Variants in SGK3 observed in about 807,000 individuals in gnomAD.
The protein encoded by SGK3 is serum/glucocorticoid regulated kinase family member 3.
In SGK3, 47 loss-of-function variants were observed where a neutral mutation model predicts 68.5. That is an observed-to-expected ratio of 0.69 (90% CI 0.54 to 0.87). The LOEUF (loss-of-function observed/expected upper bound fraction) is 0.87. SGK3 is among the 40% of genes least tolerant of loss of function. The probability of loss-of-function intolerance (pLI) is 0.00; values close to 1 mark genes in which losing one functional copy is unlikely to be tolerated. For missense variants in SGK3, 479 were observed against 575.5 expected, an observed-to-expected ratio of 0.83 and a Z score of 1.72; for synonymous variants, 181 against 189.1, an observed-to-expected ratio of 0.96 and a Z score of 0.35.
chr8:66,841,679 A>G (rs1459704170), intron 13 of SGK3, among the ~76,000 whole-genome samples: 5 of 152,240 alleles, frequency 3.3e-5, no homozygotes, highest in Admixed American at 2.6e-4. Context: ...TGCTTGAAAT[A>G]TTTTGTAACA....
chr8:66,816,157 G>A (rs565347166), intron 5 of SGK3, among the ~76,000 whole-genome samples: 55 of 151,584 alleles, frequency 3.6e-4, no homozygotes, highest in Non-Finnish European at 6.5e-4. Flanking sequence ...GCACCACCAC[G>A]CCCACCTAAT....
At chr8:66,726,531 A>T (rs371690437) in intron 1 of SGK3, among the ~76,000 whole-genome samples, 1 of 152,176 alleles carries the variant, frequency 6.6e-6, no homozygotes, top group African/African-American at 2.4e-5. Flanking sequence ...TTACTTTATC[A>T]TTGTGAAATC....
chr8:66,786,678 C>T (rs1449433452), intron 1 of SGK3, among the ~76,000 whole-genome samples: 1 of 152,052 alleles, frequency 6.6e-6, no homozygotes, highest in Admixed American at 6.6e-5. Context: ...ATCTTTATTC[C>T]CAATATATAA....
chr8:66,752,932 T>C (rs1023989411), intron 1 of SGK3, among the ~76,000 whole-genome samples: 5 of 152,014 alleles, frequency 3.3e-5, no homozygotes, highest in African/African-American at 1.2e-4. Context: ...CACTATAACC[T>C]CAAACTCCTG....
intron 1 of SGK3, among the ~76,000 whole-genome samples, chr8:66,744,519 A>ATATAT (rs1563605717): frequency 4.7e-5 from 1 of 21,274 alleles, no homozygotes; most frequent in Admixed American, 6.5e-4. Flanking sequence ...ATATATATAT[A>ATATAT]TTTTTTTTTT....
At chr8:66,839,773 A>C in intron 10 of SGK3, 1 of 444,502 alleles carries the variant, frequency 2.2e-6, no homozygotes, top group South Asian at 4.1e-5. Context: ...GAGATGAGTG[A>C]CATTAGCAAG....
chr8:66,833,810 G>C (rs1809398719), intron 8 of SGK3, among the ~76,000 whole-genome samples: 1 of 152,252 alleles, frequency 6.6e-6, no homozygotes, highest in Admixed American at 6.5e-5. Context: ...TACTGCCTCA[G>C]CCTCCCCAGT....
At chr8:66,720,371 G>A (rs1023784540) in intron 1 of SGK3, among the ~76,000 whole-genome samples, 4 of 152,202 alleles carry the variant, frequency 2.6e-5, no homozygotes, top group Admixed American at 6.5e-5. Context: ...GGTAGCTCAT[G>A]CCCGTAACCC....
At chr8:66,767,370 T>C (rs1806349662) in intron 1 of SGK3, 4 of 1,145,474 alleles carry the variant, frequency 3.5e-6, no homozygotes, top group Non-Finnish European at 4.0e-6. Flanking sequence ...AATAGAAATA[T>C]ACACAAACTC....
intron 16 of SGK3, among the ~76,000 whole-genome samples, 191 bp downstream of exon 16, chr8:66,851,111 T>G (rs530625264): frequency 1.4e-4 from 22 of 152,268 alleles, no homozygotes; most frequent in African/African-American, 5.3e-4. Flanking sequence ...ATAGTTAGAT[T>G]AGGTTGATAA....
intron 1 of SGK3, among the ~76,000 whole-genome samples, chr8:66,723,126 TA>T (rs1563595360): frequency 3.2e-3 from 189 of 58,770 alleles, no homozygotes; most frequent in Middle Eastern, 6.4e-3. Context: ...TATATATATA[TA>T]TATATTTTTT....
intron 10 of SGK3, among the ~76,000 whole-genome samples, chr8:66,839,531 A>ATATC (rs1809695857): frequency 2.9e-5 from 2 of 69,208 alleles, no homozygotes; most frequent in African/African-American, 1.1e-4. Flanking sequence ...ATATATATAT[A>ATATC]TATATATATA....
intron 1 of SGK3, among the ~76,000 whole-genome samples, chr8:66,723,388 G>A (rs953013265): frequency 2.6e-5 from 4 of 151,438 alleles, no homozygotes; most frequent in African/African-American, 9.7e-5. Context: ...AGGTTGTGGT[G>A]AGCCAAGATC....
chr8:66,798,658 A>G (rs759695624), intron 3 of SGK3, 33 bp downstream of exon 3: 23 of 1,556,430 alleles, frequency 1.5e-5, no homozygotes, highest in Non-Finnish European at 1.5e-5. Flanking sequence ...TCTAATTAAA[A>G]GAAAGCACCC....
intron 1 of SGK3, among the ~76,000 whole-genome samples, chr8:66,746,595 C>T (rs112496608): frequency 0.024 from 3,576 of 152,038 alleles, 81 homozygotes; most frequent in South Asian, 0.053. Flanking sequence ...ATTCTGTCAC[C>T]CAGAGTGGAG....
chr8:66,738,642 T>G (rs997212980), intron 1 of SGK3, among the ~76,000 whole-genome samples: 2 of 152,128 alleles, frequency 1.3e-5, no homozygotes, highest in Admixed American at 1.3e-4. Flanking sequence ...CTTTTTTTTT[T>G]TTTGAGACGG....
intron 1 of SGK3, among the ~76,000 whole-genome samples, chr8:66,745,749 A>C (rs934607845): frequency 2.6e-5 from 4 of 152,210 alleles, no homozygotes; most frequent in Non-Finnish European, 4.4e-5. Context: ...GGGAAGTCCA[A>C]GAACCATGTG....
chr8:66,843,640 G>A lies in SGK3; in HGVS notation c.1074+93G>A, dbSNP rs181010519. On this transcript the variant is annotated intron_variant, in intron 14 of 16. Transcript: ENST00000521198. ...ACCTTAAGAATCTCATGGACACTTA[G>A]ATAACACTAACAGAGCAGTAATAGT... The A allele has an allele frequency of 1.4e-4, 178 of 1,267,642 alleles. 1 individual carries two copies. In the East Asian group the frequency reaches 4.2e-3, roughly 30 times the overall value. The allele number at this position is 1,267,642 out of a possible 1,614,324, so 78.5% of individuals were successfully genotyped here.
chr8:66,825,284 G>C (rs1344899514), intron 6 of SGK3, among the ~76,000 whole-genome samples: 1 of 149,560 alleles, frequency 6.7e-6, no homozygotes, highest in Non-Finnish European at 1.5e-5. Flanking sequence ...TTTAAAAAAG[G>C]AAAAAGCCAT....
Sources: allele counts gnomAD v4.1 joint callset (sites outside exome capture counted in the v4.1 genomes callset), GRCh38; gene constraint gnomAD v4.1.1; transcripts MANE v1.5; gene names NCBI Gene and HGNC (gene_info 2026-07-23, HGNC 2026-07-21).